CYP2C18: variants seen among roughly 807,000 people sequenced by gnomAD.
CYP2C18 encodes the protein cytochrome P450 family 2 subfamily C member 18.
CYP2C18 carries 38 observed loss-of-function variants against 41.3 expected under a neutral mutation model. The observed-to-expected ratio is 0.92, with a 90% CI of 0.71 to 1.21. The LOEUF (loss-of-function observed/expected upper bound fraction) is 1.21, where lower values mean the gene tolerates loss of function less well. Among genes scored for constraint, CYP2C18 ranks in the 50% most tolerant of loss-of-function variants. CYP2C18 has a pLI of 0.00. For synonymous variants in CYP2C18, 236 were observed against 210.0 expected (o/e 1.12, Z -1.07); for missense variants, 635 against 591.4 (o/e 1.07, Z -0.77).
chr10:94,730,910 A>G (rs1302872961), intron 7 of CYP2C18, among the ~76,000 whole-genome samples: 1 of 152,176 alleles, frequency 6.6e-6, no homozygotes, highest in African/African-American at 2.4e-5. Flanking sequence ...CAAATCAAGA[A>G]CGCAATCCCA....
Position 94,706,904 on chromosome 10 carries a change from C to A in CYP2C18, c.763C>A (p.Leu255Met), listed in dbSNP as rs373847336. ...LERIKEHQES[L>M]DMNSARDFID... is the part of the protein sequence containing the mutation. Reference sequence around the variant, plus strand: ...GAGAATAAAAGAACATCAAGAATCCCTGGACATGAACAGTGCTCGGGACTT... The same window carrying A: ...GAGAATAAAAGAACATCAAGAATCCATGGACATGAACAGTGCTCGGGACTT... The change falls in exon 5 of 9, where the codon CTG (leucine) becomes ATG (methionine). Residue 255 changes from leucine (L) to methionine (M), a missense_variant. Physicochemically the swap from Leu to Met is conservative, Grantham distance 15. Coordinates refer to ENST00000285979, the MANE Select transcript of CYP2C18 (RefSeq NM_000772.3). 7.4e-6 allele frequency: 12 copies of A among 1,612,588 alleles called. No individual in the cohort carries two copies. The highest frequency in any genetic ancestry group is 1.0e-5 in the Non-Finnish European group (12 of 1,179,354).
At chr10:94,691,878 C>T (rs1847007081) in intron 3 of CYP2C18, among the ~76,000 whole-genome samples, 1 of 152,144 alleles carries the variant, frequency 6.6e-6, no homozygotes, top group Admixed American at 6.5e-5. Flanking sequence ...TGCATATCTA[C>T]AACTATCTGA....
At chr10:94,701,745 C>T (rs1378630855) in intron 4 of CYP2C18, among the ~76,000 whole-genome samples, 2 of 152,174 alleles carry the variant, frequency 1.3e-5, no homozygotes, top group African/African-American at 4.8e-5. Flanking sequence ...AACTTTCTGT[C>T]ATCTTGTCCA....
chr10:94,707,059 T>A (rs1589799218), intron 5 of CYP2C18, 99 bp downstream of exon 5: 1 of 948,912 alleles, frequency 1.1e-6, no homozygotes, highest in East Asian at 2.5e-5. Context: ...GAGCACTTTA[T>A]GTACTTACCA....
chr10:94,733,524 G>T, intron 8 of CYP2C18, 86 bp downstream of exon 8: 1 of 1,570,588 alleles, frequency 6.4e-7, no homozygotes, highest in Non-Finnish European at 8.6e-7. Context: ...CCACCTCTGA[G>T]GTTTGGCTGA....
chr10:94,720,182 A>T (rs1045607983), intron 5 of CYP2C18, among the ~76,000 whole-genome samples: 9 of 152,176 alleles, frequency 5.9e-5, no homozygotes, highest in Non-Finnish European at 2.9e-5. Context: ...ATATTCAGAA[A>T]TAGAATTTTT....
chr10:94,700,817 A>G (rs1847225284), intron 4 of CYP2C18, among the ~76,000 whole-genome samples: 1 of 152,244 alleles, frequency 6.6e-6, no homozygotes, highest in African/African-American at 2.4e-5. Context: ...AAGGTTATGA[A>G]CAGACACTTC....
At chr10:94,729,322 C>T (rs1236225778) in intron 7 of CYP2C18, among the ~76,000 whole-genome samples, 1 of 152,070 alleles carries the variant, frequency 6.6e-6, no homozygotes, top group Non-Finnish European at 1.5e-5. Context: ...TTTTAAAATA[C>T]CTGGCCACAG....
Position 94,694,992 on chromosome 10 carries a change from G to C in CYP2C18, c.557G>C (p.Arg186Pro). 1 of 1,613,106 alleles carries C rather than the reference G, an allele frequency of 6.2e-7. No homozygotes were observed. Among genetic ancestry groups the C allele is most frequent in the Non-Finnish European group, 8.5e-7 (1 of 1,179,812 alleles). The change falls in exon 4 of 9, where the codon CGA becomes CCA. Residue 186 changes from arginine (R) to proline (P), a missense_variant. Physicochemically the swap from Arg to Pro is moderately radical, Grantham distance 103. Coordinates refer to ENST00000285979, the MANE Select transcript of CYP2C18 (RefSeq NM_000772.3). The part of the protein sequence containing the change: ...NVICSVIFHD[R>P]FDYKDQRFLN... ...ATCTGCTCTGTTATTTTCCATGATC[G>C]ATTTGATTATAAAGATCAGAGGTTT... is the stretch of plus-strand genomic sequence containing the variant.
chr10:94,699,999 C>G (rs932258162), intron 4 of CYP2C18, among the ~76,000 whole-genome samples: 3 of 152,160 alleles, frequency 2.0e-5, no homozygotes, highest in Non-Finnish European at 2.9e-5. Context: ...AATGGAGGAA[C>G]ATTTCTTGCT....
At chr10:94,704,484 G>C (rs928369210) in intron 4 of CYP2C18, among the ~76,000 whole-genome samples, 1 of 151,370 alleles carries the variant, frequency 6.6e-6, no homozygotes, top group Non-Finnish European at 1.5e-5. Context: ...AAGAGACATA[G>C]AAAAAATATA....
At chr10:94,696,230 C>G (rs1190058865) in intron 4 of CYP2C18, among the ~76,000 whole-genome samples, 1 of 152,116 alleles carries the variant, frequency 6.6e-6, no homozygotes. Context: ...GAGGCACACC[C>G]CAGTAGGGGC....
intron 1 of CYP2C18, among the ~76,000 whole-genome samples, chr10:94,684,562 A>G (rs564746116): frequency 6.6e-6 from 1 of 152,326 alleles, no homozygotes; most frequent in South Asian, 2.1e-4. Context: ...ATAGCATTTC[A>G]TTGTACATAT....
Position 94,695,026 on chromosome 10 carries a change from G to T in CYP2C18, c.591G>T (p.Leu197Phe). 1 of 1,613,134 alleles carries T rather than the reference G, an allele frequency of 6.2e-7. No individual in the cohort carries two copies. Among genetic ancestry groups the T allele is most frequent in the Non-Finnish European group, 8.5e-7 (1 of 1,179,850 alleles). The change falls in exon 4 of 9, where the codon TTG (leucine) becomes TTT (phenylalanine). Residue 197 changes from leucine to phenylalanine, a missense_variant. Physicochemically the swap from Leu to Phe is conservative, Grantham distance 22. Coordinates refer to ENST00000285979, the MANE Select transcript of CYP2C18 (RefSeq NM_000772.3). ...FDYKDQRFLN[L>F]MEKFNENLRI... Reference sequence around the variant, plus strand: ...ATAAAGATCAGAGGTTTCTTAACTTGATGGAAAAATTCAATGAAAACCTCA... The same window carrying T: ...ATAAAGATCAGAGGTTTCTTAACTTTATGGAAAAATTCAATGAAAACCTCA...
chr10:94,735,470 C>T lies in CYP2C18; in HGVS notation c.*26C>T. On this transcript the variant is annotated 3_prime_UTR_variant, in exon 9 of 9. Coordinates refer to ENST00000285979, the MANE Select transcript of CYP2C18 (RefSeq NM_000772.3). ...AGAAGGGCAGATAGTTTGGCTGCTC[C>T]TGTGCTGTCACCTGCAATTCTCCCT... 1.2e-6 allele frequency: 2 copies of T among 1,611,536 alleles called. No homozygotes were observed. The highest frequency in any genetic ancestry group is 8.5e-7 in the Non-Finnish European group (1 of 1,177,966).
At chr10:94,694,818 A>T in intron 3 of CYP2C18, 99 bp from the exon 4 acceptor site, 1 of 1,298,126 alleles carries the variant, frequency 7.7e-7, no homozygotes, top group South Asian at 1.4e-5. Flanking sequence ...CTAGGTAGGT[A>T]TTGGTTTAGA....
chr10:94,735,360 C>A lies in CYP2C18; in HGVS notation c.1389C>A (p.Asp463Glu), dbSNP rs371529582. The A allele has an allele frequency of 7.4e-6, 12 of 1,613,650 alleles. No individual in the cohort carries two copies. Among genetic ancestry groups the A allele is most frequent in the African/African-American group, 1.3e-5 (1 of 74,916 alleles). The change falls in exon 9 of 9, where the codon GAC becomes GAA. Residue 463 changes from aspartate (D) to glutamate (E), a missense_variant. Asp to Glu is a conservative substitution (Grantham distance 45). Coordinates refer to ENST00000285979, the MANE Select transcript of CYP2C18 (RefSeq NM_000772.3). Reference protein sequence around the residue: ...LQNFNLKSQVDPKDIDITPIA... With the variant: ...LQNFNLKSQVEPKDIDITPIA... Reference sequence around the variant, plus strand: ...ACTTTAACCTGAAATCTCAGGTTGACCCAAAGGATATTGACATCACCCCCA... The same window carrying A: ...ACTTTAACCTGAAATCTCAGGTTGAACCAAAGGATATTGACATCACCCCCA...
intron 7 of CYP2C18, chr10:94,728,543 C>A: frequency 1.9e-6 from 1 of 516,770 alleles, no homozygotes; most frequent in Non-Finnish European, 2.5e-6. Flanking sequence ...ATCCTTCCTT[C>A]TGTGTTTTTT....
intron 5 of CYP2C18, among the ~76,000 whole-genome samples, chr10:94,708,894 C>T (rs1167719249): frequency 6.6e-6 from 1 of 152,170 alleles, no homozygotes; most frequent in Non-Finnish European, 1.5e-5. Context: ...ATTGACATAG[C>T]ATGTATCAGT....
Sources: gnomAD v4.1 joint callset for allele counts (sites outside exome capture counted in the v4.1 genomes callset) on GRCh38, gnomAD v4.1.1 for gene constraint, MANE v1.5 for transcripts, NCBI Gene and HGNC (gene_info 2026-07-23, HGNC 2026-07-21) for gene names.